The following CAND2 variants were observed in gnomAD, a reference collection of about 807,000 sequenced individuals.
CAND2 encodes cullin-associated NEDD8-dissociated protein 2.
A neutral mutation model predicts 98.9 loss-of-function variants in CAND2; 62 were observed. The ratio of observed to expected loss-of-function variants is 0.63; its 90% CI spans 0.51 to 0.77. CAND2 has a LOEUF of 0.77. CAND2 is among the 30% of genes least tolerant of loss of function. The probability of loss-of-function intolerance (pLI) is 0.00; values close to 1 mark genes in which losing one functional copy is unlikely to be tolerated. For synonymous variants in CAND2, 770 were observed against 731.9 expected, an observed-to-expected ratio of 1.05 and a Z score of -0.84; for missense variants, 1,501 against 1,655.2, an observed-to-expected ratio of 0.91 and a Z score of 1.62.
In CAND2 at chr3:12,817,663, C is replaced by T; in HGVS notation, c.2731C>T (p.Gln911Ter). ...GCAGATCGAGGCTGAGCCCCGACGA[C>T]AGTACCTGCTGCTGCACTCACTCAG... ...LEQIEAEPRR[Q>*]YLLLHSLREA... Residue 911 changes from glutamine (Q) to a stop codon, truncating the protein, a stop_gained, in exon 10 of 15, where the codon CAG (glutamine) becomes TAG (stop). Coordinates refer to ENST00000456430, the MANE Select transcript of CAND2 (RefSeq NM_001162499.2). LOFTEE classifies it high-confidence loss of function. The T allele has an allele frequency of 1.9e-6, 3 of 1,611,582 alleles. No homozygotes were observed. The highest frequency in any genetic ancestry group is 2.5e-6 in the Non-Finnish European group (3 of 1,178,994).
rs770854580 is a variant in CAND2 at position 12,817,772 on chromosome 3, G to A, written c.2840G>A (p.Gly947Asp). ...GCCTTGCTGTTCCAGCGCTGCGAGG[G>A]TGCTGAGGAGGGCACCCGGGGGGTG... is the stretch of plus-strand genomic sequence containing the variant. ...IWALLFQRCEGAEEGTRGVVA... is the reference protein window; with the variant it reads ...IWALLFQRCEDAEEGTRGVVA... The change falls in exon 10 of 15, where the codon GGT (glycine) becomes GAT (aspartate). Residue 947 changes from glycine (G) to aspartate (D), a missense_variant. By Grantham distance (94) the Gly-to-Asp change is moderately conservative. Around this residue, in one of 3 missense-constraint regions of CAND2, gnomAD observed 1,427 missense variants for 1,545.3 expected, o/e 0.92. Coordinates refer to ENST00000456430, the MANE Select transcript of CAND2 (RefSeq NM_001162499.2). 22 of 1,546,996 alleles carry A rather than the reference G, an allele frequency of 1.4e-5. No individual in the cohort carries two copies. The highest frequency in any genetic ancestry group is 1.9e-5 in the Non-Finnish European group (22 of 1,148,010).
intron 7 of CAND2, 36 bp downstream of exon 7, chr3:12,813,424 G>T: frequency 6.3e-7 from 1 of 1,598,856 alleles, no homozygotes. Context: ...TTGGAGGGTG[G>T]AGGTGAACAC....
chr3:12,810,410 G>T (rs1235723361), intron 5 of CAND2, 86 bp downstream of exon 5: 7 of 1,293,762 alleles, frequency 5.4e-6, no homozygotes, highest in African/African-American at 1.6e-5. Flanking sequence ...GCGGAGCTTG[G>T]GCCGCAGTGC....
At chr3:12,833,227 G>C (rs1437547706) in intron 14 of CAND2, among the ~76,000 whole-genome samples, 1 of 152,204 alleles carries the variant, frequency 6.6e-6, no homozygotes, top group African/African-American at 2.4e-5. Context: ...GAGATGGTGG[G>C]GGAAGAGGAA....
Position 12,816,600 on chromosome 3 carries a change from C to T in CAND2, c.1668C>T (p.His556=), listed in dbSNP as rs1259429282. ...QELVRALWPL[H]RPRMLDPEPY... ...TGGTGCGGGCCCTGTGGCCGCTGCA[C>T]AGGCCTCGGATGCTGGATCCTGAGC... The change falls in exon 10 of 15, where the codon CAC becomes CAT. Residue 556 remains histidine, a synonymous_variant. Coordinates refer to ENST00000456430, the MANE Select transcript of CAND2 (RefSeq NM_001162499.2). 1 of 1,613,928 alleles carries T rather than the reference C, an allele frequency of 6.2e-7. No homozygotes were observed. Among genetic ancestry groups the T allele is most frequent in the East Asian group, 2.2e-5 (1 of 44,874 alleles).
chr3:12,818,020 T>C, intron 10 of CAND2, 144 bp downstream of exon 10: 1 of 693,944 alleles, frequency 1.4e-6, no homozygotes, highest in Non-Finnish European at 2.2e-6. Flanking sequence ...GCAAGGAAGC[T>C]ACAGAGGAAC....
At chr3:12,820,628 G>T (rs1262183340) in intron 11 of CAND2, among the ~76,000 whole-genome samples, 2 of 152,210 alleles carry the variant, frequency 1.3e-5, no homozygotes. Flanking sequence ...CTGTCCACTA[G>T]ATCGCCCTCT....
At chr3:12,799,119 C>A (rs748379593) in intron 1 of CAND2, among the ~76,000 whole-genome samples, 5 of 152,148 alleles carry the variant, frequency 3.3e-5, no homozygotes, top group Non-Finnish European at 5.9e-5. Context: ...GTTGAAAAGC[C>A]AGGAGACCTG....
chr3:12,829,427 A>G (rs1055114201), intron 13 of CAND2, among the ~76,000 whole-genome samples: 2 of 152,212 alleles, frequency 1.3e-5, no homozygotes, highest in African/African-American at 4.8e-5. Flanking sequence ...GATTACAGGC[A>G]TGAGCCACCA....
chr3:12,810,512 T>C (rs1022630441), intron 5 of CAND2, among the ~76,000 whole-genome samples, 188 bp downstream of exon 5: 4 of 152,032 alleles, frequency 2.6e-5, no homozygotes, highest in Admixed American at 6.5e-5. Flanking sequence ...GGCGGGCGGC[T>C]GAAGCCCCTG....
At chr3:12,809,861 TTCTC>T (rs2061835968) in intron 4 of CAND2, 194 bp from the exon 5 acceptor site, 1 of 613,250 alleles carries the variant, frequency 1.6e-6, no homozygotes. Flanking sequence ...AGAAGTCCCT[TTCTC>T]TCTCCGCTTT....
At position 12,831,513 on chromosome 3, in the gene CAND2, C is replaced by T. The variant is rs760533106; in HGVS notation, c.3424C>T (p.Pro1142Ser). The change falls in exon 14 of 15, where the codon CCT becomes TCT. Residue 1142 changes from proline to serine, a missense_variant. Physicochemically the swap from Pro to Ser is moderately conservative, Grantham distance 74. Transcript: ENST00000456430. ...CCGGCTGGCCACCCTGTGTCCTGCA[C>T]CTGTCCTGCAGAGGGTGGACCGACT... ...VARLATLCPA[P>S]VLQRVDRLIE... 1 of 1,614,048 alleles carries T rather than the reference C, an allele frequency of 6.2e-7. No individual in the cohort carries two copies. Among genetic ancestry groups the T allele is most frequent in the South Asian group, 1.1e-5 (1 of 91,058 alleles).
In CAND2 at chr3:12,816,807, C is replaced by A; in HGVS notation, c.1875C>A (p.Ile625=). The change falls in exon 10 of 15, where the codon ATC becomes ATA. Residue 625 remains isoleucine (I), a synonymous_variant. Transcript: ENST00000456430. ...LLLLDRLRNE[I]TRLPAIKALT... is the part of the protein sequence containing the mutation. ...TCCTGGACCGCCTGCGGAATGAGAT[C>A]ACCCGGCTGCCCGCCATCAAGGCGC... 1.2e-6 allele frequency: 2 copies of A among 1,613,644 alleles called. No individual in the cohort carries two copies. The highest frequency in any genetic ancestry group is 1.7e-6 in the Non-Finnish European group (2 of 1,180,034).
intron 12 of CAND2, among the ~76,000 whole-genome samples, chr3:12,826,089 G>C (rs917418613): frequency 9.9e-5 from 15 of 152,186 alleles, no homozygotes; most frequent in African/African-American, 3.1e-4. Flanking sequence ...GCTGATTACA[G>C]ACAGCCCCCG....
Position 12,817,149 on chromosome 3 carries a change from G to A in CAND2, c.2217G>A (p.Glu739=). Residue 739 remains glutamate (E), a synonymous_variant, in exon 10 of 15, where the codon GAG becomes GAA. Coordinates refer to ENST00000456430, the MANE Select transcript of CAND2 (RefSeq NM_001162499.2). ...AGGTCAGTGGCCCTGTGCTCTCAGA[G>A]CTGCTGCGGCTGCTGCGTTCGCCCC... ...LVEVSGPVLS[E]LLRLLRSPLL... 1 of 1,612,536 alleles carries A rather than the reference G, an allele frequency of 6.2e-7. No individual in the cohort carries two copies. Among genetic ancestry groups the A allele is most frequent in the South Asian group, 1.1e-5 (1 of 91,068 alleles).
chr3:12,813,005 G>T lies in CAND2; in HGVS notation c.773G>T (p.Arg258Leu). ...GGCCCTGCAGGGGCTCACCTGGACC[G>T]CCTGGTGCCCCTGGTGGAGGATTTC... The part of the protein sequence containing the change: ...AGHRLGAHLD[R>L]LVPLVEDFCN... The change falls in exon 6 of 15, where the codon CGC becomes CTC. Residue 258 changes from arginine to leucine, a missense_variant. Arg to Leu is a moderately radical substitution (Grantham distance 102). Around this residue, in one of 3 missense-constraint regions of CAND2, gnomAD observed 1,427 missense variants for 1,545.3 expected, o/e 0.92. Transcript: ENST00000456430. 2.5e-6 allele frequency: 4 copies of T among 1,574,656 alleles called. No homozygotes were observed. Among genetic ancestry groups the T allele is most frequent in the Non-Finnish European group, 3.4e-6 (4 of 1,160,812 alleles).
chr3:12,809,033 A>C (rs567045690), intron 4 of CAND2, among the ~76,000 whole-genome samples: 2 of 152,180 alleles, frequency 1.3e-5, no homozygotes, highest in East Asian at 3.9e-4. Context: ...GAGGGGATTG[A>C]ACAGGCAGGG....
In CAND2 at chr3:12,817,140, G is replaced by A. The variant is rs1175493706; in HGVS notation, c.2208G>A (p.Val736=). The change falls in exon 10 of 15, where the codon GTG becomes GTA. Residue 736 remains valine (V), a synonymous_variant. Transcript: ENST00000456430. The stretch of plus-strand genomic sequence containing the variant: ...CTTTGGTGGAGGTCAGTGGCCCTGT[G>A]CTCTCAGAGCTGCTGCGGCTGCTGC... ...PASLVEVSGP[V]LSELLRLLRS... The A allele has an allele frequency of 6.2e-7, 1 of 1,612,942 alleles. No homozygotes were observed. The highest frequency in any genetic ancestry group is 8.5e-7 in the Non-Finnish European group (1 of 1,180,000).
intron 11 of CAND2, 71 bp downstream of exon 11, chr3:12,820,252 T>C: frequency 8.4e-7 from 1 of 1,197,284 alleles, no homozygotes; most frequent in East Asian, 2.4e-5. Flanking sequence ...GGGCTGATGT[T>C]TACTACCCAA....
Sources: gnomAD v4.1 joint callset for allele counts (sites outside exome capture counted in the v4.1 genomes callset) on GRCh38, gnomAD v4.1.1 for gene constraint, gnomAD v4.1.1 regional missense constraint, MANE v1.5 for transcripts, NCBI Gene and HGNC (gene_info 2026-07-23, HGNC 2026-07-21) for gene names.